The following MARCHF1 variants were observed in gnomAD, a reference collection of about 807,000 sequenced individuals.
MARCHF1 encodes the protein E3 ubiquitin-protein ligase MARCHF1.
MARCHF1 carries 40 observed loss-of-function variants against 54.2 expected under a neutral mutation model. That is an observed-to-expected ratio of 0.74 (90% CI 0.57 to 0.96). The LOEUF is 0.96. Ranked by LOEUF, MARCHF1 falls within the 40% of genes least tolerant of loss-of-function variation. MARCHF1 has a pLI of 0.00. For missense variants in MARCHF1, 586 were observed against 656.5 expected (o/e 0.89, Z 1.17); for synonymous variants, 236 against 236.3 (o/e 1.00, Z 0.01).
intron 1 of MARCHF1, among the ~76,000 whole-genome samples, chr4:164,367,434 C>A (rs1730907090): frequency 6.6e-6 from 1 of 151,958 alleles, no homozygotes; most frequent in Non-Finnish European, 1.5e-5. Flanking sequence ...TTGAAAATAT[C>A]TAGTAATATT....
At chr4:163,980,438 A>G (rs1166058128) in intron 3 of MARCHF1, among the ~76,000 whole-genome samples, 1 of 150,216 alleles carries the variant, frequency 6.7e-6, no homozygotes, top group Non-Finnish European at 1.5e-5. Context: ...AGGCATTACC[A>G]TTCAGGACAT....
At chr4:163,938,928 T>C (rs1280060683) in intron 3 of MARCHF1, among the ~76,000 whole-genome samples, 2 of 152,146 alleles carry the variant, frequency 1.3e-5, no homozygotes, top group Non-Finnish European at 2.9e-5. Context: ...CTCCACCTGG[T>C]CCTGCCTTTG....
intron 3 of MARCHF1, among the ~76,000 whole-genome samples, chr4:163,985,692 G>C (rs1275442700): frequency 6.6e-6 from 1 of 151,994 alleles, no homozygotes; most frequent in East Asian, 1.9e-4. Context: ...TTTGAATGAA[G>C]TTAAATTACA....
At chr4:164,239,188 C>T (rs916651524) in intron 1 of MARCHF1, among the ~76,000 whole-genome samples, 4 of 151,958 alleles carry the variant, frequency 2.6e-5, no homozygotes, top group African/African-American at 9.7e-5. Context: ...AATTGGTGGA[C>T]TTTGGTCCCA....
chr4:163,651,733 CATT>C (rs965743709), intron 5 of MARCHF1, among the ~76,000 whole-genome samples: 2 of 151,654 alleles, frequency 1.3e-5, no homozygotes, highest in African/African-American at 4.8e-5. Context: ...ACATCTAAGC[CATT>C]ATCAAATTTT....
intron 1 of MARCHF1, among the ~76,000 whole-genome samples, chr4:164,204,738 A>G (rs1458908976): frequency 6.6e-6 from 1 of 152,214 alleles, no homozygotes; most frequent in Non-Finnish European, 1.5e-5. Flanking sequence ...GGTAATGCTG[A>G]AGGTGTCAAA....
intron 4 of MARCHF1, among the ~76,000 whole-genome samples, chr4:163,827,209 T>C (rs953855572): frequency 6.6e-6 from 1 of 152,112 alleles, no homozygotes; most frequent in Non-Finnish European, 1.5e-5. Flanking sequence ...TGAACCTCTC[T>C]GAAACATATT....
chr4:163,703,791 T>A (rs942284571), intron 4 of MARCHF1, among the ~76,000 whole-genome samples: 3 of 152,080 alleles, frequency 2.0e-5, no homozygotes, highest in African/African-American at 7.2e-5. Context: ...TAATTTTTGG[T>A]TTGCTATGAA....
intron 1 of MARCHF1, among the ~76,000 whole-genome samples, chr4:164,122,474 A>T (rs575418592): frequency 1.3e-5 from 2 of 152,202 alleles, no homozygotes; most frequent in East Asian, 3.9e-4. Flanking sequence ...ATCAACTGGA[A>T]AGCCCATTTG....
At chr4:164,205,623 GA>G (rs1208112402) in intron 1 of MARCHF1, among the ~76,000 whole-genome samples, 4 of 152,104 alleles carry the variant, frequency 2.6e-5, no homozygotes, top group African/African-American at 9.7e-5. Flanking sequence ...GTGATAGTAT[GA>G]AGATGTAATT....
At chr4:164,041,304 A>T (rs536365787) in intron 2 of MARCHF1, among the ~76,000 whole-genome samples, 1 of 152,250 alleles carries the variant, frequency 6.6e-6, no homozygotes, top group East Asian at 1.9e-4. Flanking sequence ...ATCTATCAGA[A>T]ATATCCCCCT....
intron 3 of MARCHF1, among the ~76,000 whole-genome samples, chr4:163,894,599 T>C (rs1750738710): frequency 2.1e-5 from 3 of 144,918 alleles, no homozygotes; most frequent in South Asian, 4.3e-4. Context: ...TATATATGCA[T>C]GTGATGCATA....
chr4:163,917,549 T>A (rs542799960), intron 3 of MARCHF1, among the ~76,000 whole-genome samples: 2 of 152,290 alleles, frequency 1.3e-5, no homozygotes, highest in African/African-American at 4.8e-5. Flanking sequence ...TTATTTGCCA[T>A]CTTCTTTGGT....
chr4:163,793,301 C>T (rs966070840), intron 4 of MARCHF1, among the ~76,000 whole-genome samples: 6 of 152,080 alleles, frequency 3.9e-5, no homozygotes, highest in Non-Finnish European at 8.8e-5. Context: ...AGAAAAGTCT[C>T]GGCGTTACTA....
intron 2 of MARCHF1, among the ~76,000 whole-genome samples, chr4:164,072,185 C>T (rs958450297): frequency 2.6e-5 from 4 of 151,908 alleles, no homozygotes; most frequent in Admixed American, 6.6e-5. Context: ...CAGAAACTGC[C>T]GATATTACGT....
chr4:163,882,397 C>T (rs1171787302), intron 3 of MARCHF1, among the ~76,000 whole-genome samples: 1 of 152,156 alleles, frequency 6.6e-6, no homozygotes. Flanking sequence ...ACCTTCTAAG[C>T]TATTGAATCT....
chr4:163,571,207 C>T (rs1212000519), intron 8 of MARCHF1, among the ~76,000 whole-genome samples: 1 of 152,062 alleles, frequency 6.6e-6, no homozygotes, highest in East Asian at 1.9e-4. Context: ...GGAATTGGAC[C>T]TGTCTGGAAT....
At chr4:163,637,825 A>C (rs1742396785) in intron 5 of MARCHF1, among the ~76,000 whole-genome samples, 2 of 152,034 alleles carry the variant, frequency 1.3e-5, no homozygotes, top group Admixed American at 1.3e-4. Flanking sequence ...TCACAATAGC[A>C]AAGACTTGGA....
rs114679180 is a variant in MARCHF1 at position 164,129,581 on chromosome 4, C to A, written c.-322-17919G>T. ...GAAGTATATTGCTAAGCATTTCAAGCTATATATATTATTTTTTGAATTAGT... is the reference window on the plus strand; with the variant it reads ...GAAGTATATTGCTAAGCATTTCAAGATATATATATTATTTTTTGAATTAGT... On this transcript the variant is annotated intron_variant, in intron 1 of 9. Coordinates refer to ENST00000514618, the MANE Select transcript of MARCHF1 (RefSeq NM_001394959.1). Among the ~76,000 whole-genome samples, 520 of 152,094 alleles carry A rather than the reference C, an allele frequency of 3.4e-3. 4 individuals carry two copies. The highest frequency in any genetic ancestry group is 0.012 in the African/African-American group (486 of 41,506).
Sources: gnomAD v4.1 joint callset for allele counts (sites outside exome capture counted in the v4.1 genomes callset) on GRCh38, gnomAD v4.1.1 for gene constraint, MANE v1.5 for transcripts, NCBI Gene and HGNC (gene_info 2026-07-23, HGNC 2026-07-21) for gene names.